PRKACA: variants seen among roughly 807,000 people sequenced by gnomAD.
PRKACA encodes cAMP-dependent protein kinase catalytic subunit alpha.
A neutral mutation model predicts 45.8 loss-of-function variants in PRKACA; 9 were observed. The ratio of observed to expected loss-of-function variants is 0.20; its 90% CI spans 0.12 to 0.34. The LOEUF (loss-of-function observed/expected upper bound fraction) is 0.34, where lower values mean the gene tolerates loss of function less well. Ranked by LOEUF, PRKACA falls within the 10% of genes least tolerant of loss-of-function variation. The probability of loss-of-function intolerance (pLI) is 1.00; values close to 1 mark genes in which losing one functional copy is unlikely to be tolerated. For missense variants in PRKACA, 238 were observed against 458.6 expected (o/e 0.52, Z 4.39); for synonymous variants, 160 against 178.6 (o/e 0.90, Z 0.83).
intron 5 of PRKACA, among the ~76,000 whole-genome samples, 184 bp downstream of exon 5, chr19:14,100,642 T>C (rs1977415966): frequency 6.6e-6 from 1 of 152,214 alleles, no homozygotes; most frequent in African/African-American, 2.4e-5. Flanking sequence ...TGCTCTGTTT[T>C]GTTTTGTGGT....
At chr19:14,115,930 A>G (rs1017089749) in intron 1 of PRKACA, among the ~76,000 whole-genome samples, 1 of 149,858 alleles carries the variant, frequency 6.7e-6, no homozygotes, top group Non-Finnish European at 1.5e-5. Flanking sequence ...GACACTACCC[A>G]CCTGCTCCTC....
chr19:14,097,084 C>T lies in PRKACA; in HGVS notation c.765+277G>A. 2.1e-6 allele frequency: 1 copy of T among 466,914 alleles called. No homozygotes were observed. The highest frequency in any genetic ancestry group is 3.9e-6 in the Non-Finnish European group (1 of 253,376). 28.9% of individuals were successfully genotyped at this position (466,914 alleles called of 1,614,324 possible). Reference sequence around the variant, plus strand: ...GATGAGGAGCGAAAAGGAGGGTCGTCTGGCAGGGCGGTTTGTGTTCTGTGG... The same window carrying T: ...GATGAGGAGCGAAAAGGAGGGTCGTTTGGCAGGGCGGTTTGTGTTCTGTGG... On this transcript the variant is annotated intron_variant, in intron 8 of 9. Transcript: ENST00000308677. This position sits in a 1 kb window ranked among gnomAD's most constrained non-coding sequence, Gnocchi z 5.4.
At chr19:14,099,273 CAA>C (rs1232454018) in intron 5 of PRKACA, among the ~76,000 whole-genome samples, 2 of 152,116 alleles carry the variant, frequency 1.3e-5, no homozygotes, top group African/African-American at 4.8e-5. Flanking sequence ...GCCTGGGTGA[CAA>C]GAGTGAAACT....
chr19:14,099,683 T>A (rs1376909224), intron 5 of PRKACA, among the ~76,000 whole-genome samples: 2 of 151,314 alleles, frequency 1.3e-5, no homozygotes, highest in Non-Finnish European at 2.9e-5. Context: ...CTGCCCACCT[T>A]GGCCTCCCCA....
chr19:14,106,284 T>C (rs1379384241), intron 3 of PRKACA, among the ~76,000 whole-genome samples: 3 of 152,064 alleles, frequency 2.0e-5, no homozygotes, highest in African/African-American at 7.2e-5. Context: ...GCTCAGGAGT[T>C]TGAGGCTACA....
chr19:14,100,716 C>A (rs1977417201), intron 5 of PRKACA, 110 bp downstream of exon 5: 1 of 1,048,338 alleles, frequency 9.5e-7, no homozygotes, highest in Admixed American at 1.8e-5. Flanking sequence ...TGGGAGACCA[C>A]CTGCATGTTG....
At chr19:14,094,691 A>G (rs188345234) in intron 8 of PRKACA, among the ~76,000 whole-genome samples, 1 of 152,330 alleles carries the variant, frequency 6.6e-6, no homozygotes, top group East Asian at 1.9e-4. Flanking sequence ...TGGACTCTAG[A>G]ACTTGCATTC....
chr19:14,092,529 G>A lies in PRKACA; in HGVS notation c.*583C>T, dbSNP rs771557895. The stretch of plus-strand genomic sequence containing the variant: ...GAGGGGTGGGAGTAGAGGAAGGAGG[G>A]AGGGAGGCACTGGTGGAACTTAAAT... On this transcript the variant is annotated 3_prime_UTR_variant, in exon 10 of 10. Coordinates refer to ENST00000308677, the MANE Select transcript of PRKACA (RefSeq NM_002730.4). 1.5e-5 allele frequency: 6 copies of A among 398,250 alleles called. No individual in the cohort carries two copies. The highest frequency in any genetic ancestry group is 1.2e-4 in the African/African-American group (6 of 48,538). The allele number at this position is 398,250 out of a possible 1,614,324, so 24.7% of individuals were successfully genotyped here.
chr19:14,109,253 C>T (rs1336458170), intron 1 of PRKACA, among the ~76,000 whole-genome samples: 2 of 151,498 alleles, frequency 1.3e-5, no homozygotes, highest in African/African-American at 2.4e-5. Context: ...GAGGCCAAGG[C>T]GGGTAGATCA....
In PRKACA at chr19:14,106,357, A is replaced by T. The variant is rs41296268; in HGVS notation, c.237+403T>A. Among the ~76,000 whole-genome samples, 1,336 of 151,668 alleles carry T rather than the reference A, an allele frequency of 8.8e-3. 16 individuals are homozygous for T. The highest frequency in any genetic ancestry group is 0.031 in the African/African-American group (1,275 of 41,308). ...GCAACAGAGCAGGATCCTGTCCCCC[A>T]CAAAAAAACCAAGCGGCCAGGCGCG... On this transcript the variant is annotated intron_variant, in intron 3 of 9. Transcript: ENST00000308677.
At chr19:14,115,470 A>G (rs1967087913) in intron 1 of PRKACA, among the ~76,000 whole-genome samples, 1 of 152,176 alleles carries the variant, frequency 6.6e-6, no homozygotes, top group South Asian at 2.1e-4. Context: ...GACATCATCT[A>G]TGTCATGGAT....
In PRKACA at chr19:14,097,200, G is replaced by T; in HGVS notation, c.765+161C>A. 9.1e-7 allele frequency: 1 copy of T among 1,104,246 alleles called. No individual in the cohort carries two copies. Among genetic ancestry groups the T allele is most frequent in the Non-Finnish European group, 1.3e-6 (1 of 760,262 alleles). The allele number at this position is 1,104,246 out of a possible 1,614,324, so 68.4% of individuals were successfully genotyped here. ...GCTGGACAGCAAGGGGGCTTGAGGT[G>T]TTGGCCTCAGTGTGGCCGGCGCGTC... On this transcript the variant is annotated intron_variant, in intron 8 of 9. Coordinates refer to ENST00000308677, the MANE Select transcript of PRKACA (RefSeq NM_002730.4). The surrounding 1 kb of genome is among the most constrained non-coding windows in gnomAD (Gnocchi z 5.4).
At chr19:14,104,706 A>T (rs1357847109) in intron 3 of PRKACA, among the ~76,000 whole-genome samples, 3 of 151,002 alleles carry the variant, frequency 2.0e-5, no homozygotes, top group Non-Finnish European at 4.4e-5. Context: ...AAAAAAAAAA[A>T]AAAAAAAAAT....
rs201495406 is a variant in PRKACA, at chr19:14,097,345, C to T, written c.765+16G>A. ...TCTGTTTCTTCCAGGGCTGTGTCCC[C>T]ACATCCGGACCTCACCTTCCCAGAG... On this transcript the variant is annotated intron_variant, in intron 8 of 9. Transcript: ENST00000308677. The surrounding 1 kb of genome is among the most constrained non-coding windows in gnomAD (Gnocchi z 5.4). The T allele has an allele frequency of 8.1e-5, 131 of 1,613,924 alleles. No individual in the cohort carries two copies. The highest frequency in any genetic ancestry group is 1.1e-4 in the Non-Finnish European group (130 of 1,180,006).
In PRKACA at chr19:14,093,608, C is replaced by A. The variant is rs758984754; in HGVS notation, c.930+20G>T. Reference sequence around the variant, plus strand: ...GGCCTGCTCCCAAACCCTCAGCAGGCTTAAGGAGGGGAGGCCCACCTTCCT... The same window carrying A: ...GGCCTGCTCCCAAACCCTCAGCAGGATTAAGGAGGGGAGGCCCACCTTCCT... On this transcript the variant is annotated intron_variant, in intron 9 of 9. Coordinates refer to ENST00000308677, the MANE Select transcript of PRKACA (RefSeq NM_002730.4). The A allele has an allele frequency of 6.2e-6, 10 of 1,607,880 alleles. No homozygotes were observed. In the Admixed American group the frequency reaches 1.7e-4, roughly 27 times the overall value.
chr19:14,107,429 G>C lies in PRKACA; in HGVS notation c.47-20C>G. On this transcript the variant is annotated intron_variant, in intron 1 of 9. Coordinates refer to ENST00000308677, the MANE Select transcript of PRKACA (RefSeq NM_002730.4). Reference sequence around the variant, plus strand: ...CTTTCACTGAAAGGGAGAGAGGGGAGAGTTATACAGAGACGCCCGTCTCAC... The same window carrying C: ...CTTTCACTGAAAGGGAGAGAGGGGACAGTTATACAGAGACGCCCGTCTCAC... 1 of 1,610,054 alleles carries C rather than the reference G, an allele frequency of 6.2e-7. No individual in the cohort carries two copies. Among genetic ancestry groups the C allele is most frequent in the Non-Finnish European group, 8.5e-7 (1 of 1,176,520 alleles).
intron 3 of PRKACA, among the ~76,000 whole-genome samples, chr19:14,105,628 A>T (rs1307540144): frequency 6.6e-6 from 1 of 151,522 alleles, no homozygotes; most frequent in African/African-American, 2.4e-5. Context: ...TTTTTTAGAG[A>T]TGGGGTCTGG....
Position 14,093,041 on chromosome 19 carries a change from A to AGGGGGGCC in PRKACA, c.*70_*71insGGCCCCCC. On this transcript the variant is annotated 3_prime_UTR_variant, in exon 10 of 10. Coordinates refer to ENST00000308677, the MANE Select transcript of PRKACA (RefSeq NM_002730.4). ...CTGGGGCCCTCTGGCTGTTCAATCC[A>AGGGGGGCC]ACCCTCCCACCCCCCCGACCAAAAA... 6 of 500,016 alleles carry AGGGGGGCC rather than the reference A, an allele frequency of 1.2e-5. No individual in the cohort carries two copies. The highest frequency in any genetic ancestry group is 1.8e-5 in the Non-Finnish European group (5 of 278,306). 31.0% of individuals were successfully genotyped at this position (500,016 alleles called of 1,614,324 possible).
At chr19:14,116,556 G>A (rs968362122) in intron 1 of PRKACA, among the ~76,000 whole-genome samples, 7 of 152,126 alleles carry the variant, frequency 4.6e-5, no homozygotes, top group African/African-American at 1.7e-4. Context: ...AAGCCCCAGG[G>A]ACTGGGTGAA....
Sources: allele counts gnomAD v4.1 joint callset (sites outside exome capture counted in the v4.1 genomes callset), GRCh38; gene constraint gnomAD v4.1.1; non-coding constraint Gnocchi (gnomAD v3.1); transcripts MANE v1.5; gene names NCBI Gene and HGNC (gene_info 2026-07-23, HGNC 2026-07-21).